ST3GAL3: variants seen among roughly 807,000 people sequenced by gnomAD.
The protein encoded by ST3GAL3 is ST3 beta-galactoside alpha-2,3-sialyltransferase 3.
A neutral mutation model predicts 50.1 loss-of-function variants in ST3GAL3; 21 were observed. The ratio of observed to expected loss-of-function variants is 0.42; its 90% confidence interval spans 0.30 to 0.60. ST3GAL3 has a LOEUF of 0.60. Ranked by LOEUF, ST3GAL3 falls within the 20% of genes least tolerant of loss-of-function variation. The pLI is 0.19. For missense variants in ST3GAL3, 353 were observed against 489.4 expected (o/e 0.72, Z 2.63); for synonymous variants, 183 against 190.0 (o/e 0.96, Z 0.30).
At chr1:43,786,021 T>C (rs1259008058) in intron 2 of ST3GAL3, among the ~76,000 whole-genome samples, 2 of 152,154 alleles carry the variant, frequency 1.3e-5, no homozygotes, top group Non-Finnish European at 2.9e-5. Flanking sequence ...TAAGCATTTT[T>C]TTTTGGCATT....
chr1:43,858,432 G>C lies in ST3GAL3; in HGVS notation c.302+20121G>C, dbSNP rs570027251. 105 of 815,618 alleles carry C rather than the reference G, an allele frequency of 1.3e-4. No individual in the cohort carries two copies. In the South Asian group the frequency reaches 1.8e-3, roughly 14 times the overall value. 50.5% of individuals were successfully genotyped at this position (815,618 alleles called of 1,614,324 possible). ...TGCTTAGAAGCACAGTCCCTGGTGA[G>C]AGCAGGCAGGCTGGCTGCATTCCTG... On this transcript the variant is annotated intron_variant, in intron 5 of 11. Transcript: ENST00000347631.
At chr1:43,787,386 G>A (rs2057476994) in intron 2 of ST3GAL3, among the ~76,000 whole-genome samples, 1 of 152,238 alleles carries the variant, frequency 6.6e-6, no homozygotes, top group African/African-American at 2.4e-5. Context: ...TGTCAAAGTG[G>A]TTTATAACTA....
At chr1:43,740,497 T>A (rs1680392892) in intron 2 of ST3GAL3, among the ~76,000 whole-genome samples, 1 of 152,068 alleles carries the variant, frequency 6.6e-6, no homozygotes, top group African/African-American at 2.4e-5. Context: ...AAAATTTTAC[T>A]TATTTCTGCT....
chr1:43,715,419 C>CA (rs750786957), intron 1 of ST3GAL3, among the ~76,000 whole-genome samples: 71 of 151,894 alleles, frequency 4.7e-4, no homozygotes, highest in Admixed American at 1.5e-3. Context: ...ACCAAAAATA[C>CA]AAAAAAATTA....
intron 7 of ST3GAL3, chr1:43,898,569 G>T (rs2077734846): frequency 1.9e-6 from 1 of 532,608 alleles, no homozygotes; most frequent in African/African-American, 1.9e-5. Context: ...GCTGGGACTA[G>T]CCCAGCAATG....
intron 2 of ST3GAL3, among the ~76,000 whole-genome samples, chr1:43,764,221 A>T (rs1251740436): frequency 2.0e-5 from 3 of 152,154 alleles, no homozygotes; most frequent in Admixed American, 2.0e-4. Context: ...ACAATTTCAG[A>T]GCTCCTTTTC....
At chr1:43,710,278 C>T (rs555403443) in intron 1 of ST3GAL3, among the ~76,000 whole-genome samples, 1 of 152,256 alleles carries the variant, frequency 6.6e-6, no homozygotes, top group African/African-American at 2.4e-5. Context: ...GACGGGGTTT[C>T]ACCATGTTGG....
chr1:43,897,037 A>AT lies in ST3GAL3; in HGVS notation c.398-1186dup, dbSNP rs36010473. Among the ~76,000 whole-genome samples, 285 of 142,430 alleles carry AT rather than the reference A, an allele frequency of 2.0e-3. 2 individuals carry two copies. In the Middle Eastern group the frequency reaches 0.043, roughly 21 times the overall value. The allele number at this position is 142,430 out of a possible 152,430, so 93.4% of individuals were successfully genotyped here. On this transcript the variant is annotated intron_variant, in intron 6 of 11. Coordinates refer to ENST00000347631, the MANE Select transcript of ST3GAL3 (RefSeq NM_006279.5). ...TGGTACATACAGCTGTAGGTCATTG[A>AT]TTTTTTTTTTTTAATGGCTGTATAG...
rs1049564933 is a variant in ST3GAL3 at position 43,723,859 on chromosome 1, G to A, written c.-30-12374G>A. 7.2e-5 allele frequency among the ~76,000 whole-genome samples: 11 copies of A among 152,088 alleles called. No homozygotes were observed. The South Asian group carries it at 8.3e-4, about 11-fold the overall frequency. ...ACTCCTGACCTCAGGTGATCTGCCCGCCTCGGCCTCCCAAAGTGCTGGGAT... is the reference window on the plus strand; with the variant it reads ...ACTCCTGACCTCAGGTGATCTGCCCACCTCGGCCTCCCAAAGTGCTGGGAT... On this transcript the variant is annotated intron_variant, in intron 1 of 11. Coordinates refer to ENST00000347631, the MANE Select transcript of ST3GAL3 (RefSeq NM_006279.5).
intron 5 of ST3GAL3, among the ~76,000 whole-genome samples, chr1:43,845,525 T>C (rs1395970204): frequency 6.6e-6 from 1 of 152,054 alleles, no homozygotes; most frequent in Non-Finnish European, 1.5e-5. Context: ...TTTTTCTCTC[T>C]TTTTCTTAAA....
intron 9 of ST3GAL3, among the ~76,000 whole-genome samples, chr1:43,909,701 G>A (rs2154283377): frequency 6.6e-6 from 1 of 152,304 alleles, no homozygotes; most frequent in South Asian, 2.1e-4. Context: ...TAACATATTA[G>A]AATTTCAAGT....
chr1:43,904,331 G>A (rs1193548856), intron 9 of ST3GAL3, among the ~76,000 whole-genome samples: 1 of 152,108 alleles, frequency 6.6e-6, no homozygotes, highest in African/African-American at 2.4e-5. Context: ...GCCTTAGCGT[G>A]GACTCTGTCC....
rs1242652008 is a variant in ST3GAL3, at chr1:43,899,659, T to C, written c.676T>C (p.Phe226Leu). Residue 226 changes from phenylalanine to leucine, a missense_variant, in exon 9 of 12, where the codon TTT becomes CTT. Phe to Leu is a conservative substitution (Grantham distance 22). Coordinates refer to ENST00000347631, the MANE Select transcript of ST3GAL3 (RefSeq NM_006279.5). This position sits in a 1 kb window ranked among gnomAD's most constrained non-coding sequence, Gnocchi z 5.4. ...TGAGCAGTACGAGCGCGATTCTCTC[T>C]TTGTCCTCGCCGGCTTCAAGTGGCA... Reference protein sequence around the residue: ...RPEQYERDSLFVLAGFKWQDF... With the variant: ...RPEQYERDSLLVLAGFKWQDF... 2 of 1,614,176 alleles carry C rather than the reference T, an allele frequency of 1.2e-6. No individual in the cohort carries two copies. The highest frequency in any genetic ancestry group is 2.2e-5 in the South Asian group (2 of 91,086).
intron 1 of ST3GAL3, among the ~76,000 whole-genome samples, chr1:43,726,446 C>T (rs1369739323): frequency 6.6e-6 from 1 of 151,976 alleles, no homozygotes; most frequent in Non-Finnish European, 1.5e-5. Context: ...GCCACTATGC[C>T]CAGCTAATCT....
chr1:43,771,730 TTGTGTGTGTGTGTGTG>T (rs143955404), intron 2 of ST3GAL3, among the ~76,000 whole-genome samples: 16 of 145,122 alleles, frequency 1.1e-4, no homozygotes, highest in African/African-American at 2.9e-4. Context: ...TTTAATAAAG[TTGTGTGTGTGTGTGTG>T]TGTGTGTGTG....
rs544185294 is a variant in ST3GAL3 at position 43,768,292 on chromosome 1, T to A, written c.119-23810T>A. 3.3e-3 allele frequency among the ~76,000 whole-genome samples: 496 copies of A among 152,076 alleles called. 2 individuals carry two copies. Among genetic ancestry groups the A allele is most frequent in the African/African-American group, 0.011 (470 of 41,486 alleles). ...TCTACAAAAAAATTTTTTTTAAAAT[T>A]AGCTGGGTGTGGTGGTACATGCCTG... On this transcript the variant is annotated intron_variant, in intron 2 of 11. Transcript: ENST00000347631.
rs568277393 is a variant in ST3GAL3 at position 43,812,321 on chromosome 1, G to A, written c.167-2570G>A. 5.9e-5 allele frequency among the ~76,000 whole-genome samples: 9 copies of A among 152,292 alleles called. No homozygotes were observed. In the South Asian group the frequency reaches 1.2e-3, roughly 21 times the overall value. On this transcript the variant is annotated intron_variant, in intron 3 of 11. Transcript: ENST00000347631. ...CAGTTAGCAGGAGCTGGTGGGAGCC[G>A]CCCTTCAGCAGGGCACACACTCTCC...
chr1:43,887,009 T>C (rs1025951179), intron 5 of ST3GAL3, among the ~76,000 whole-genome samples: 4 of 152,178 alleles, frequency 2.6e-5, no homozygotes, highest in African/African-American at 7.2e-5. Context: ...GTAAAGGGGC[T>C]GATAGATTTG....
chr1:43,918,121 T>C (rs112573545), intron 9 of ST3GAL3, among the ~76,000 whole-genome samples: 8 of 34,942 alleles, frequency 2.3e-4, no homozygotes, highest in Non-Finnish European at 6.6e-4. Context: ...TTCTTTCTCT[T>C]TTTTTTTTTT....
Sources: allele counts gnomAD v4.1 joint callset (sites outside exome capture counted in the v4.1 genomes callset), GRCh38; gene constraint gnomAD v4.1.1; non-coding constraint Gnocchi (gnomAD v3.1); transcripts MANE v1.5; gene names NCBI Gene and HGNC (gene_info 2026-07-23, HGNC 2026-07-21).